Variants in NALF1 observed in about 807,000 individuals in gnomAD.
NALF1 encodes NALCN channel auxiliary factor 1, also known as family with sequence similarity 155 member A.
A neutral mutation model predicts 48.4 loss-of-function variants in NALF1; 3 were observed. That is an observed-to-expected ratio of 0.06 (90% confidence interval 0.03 to 0.16). The LOEUF (loss-of-function observed/expected upper bound fraction) is 0.16, where lower values mean the gene tolerates loss of function less well. Among genes scored for constraint, NALF1 ranks in the 10% least tolerant of loss-of-function variants. The probability of loss-of-function intolerance (pLI) is 1.00; values close to 1 mark genes in which losing one functional copy is unlikely to be tolerated. For missense variants in NALF1, 526 were observed against 571.5 expected (o/e 0.92, Z 0.81); for synonymous variants, 262 against 245.7 (o/e 1.07, Z -0.62).
intron 1 of NALF1, among the ~76,000 whole-genome samples, chr13:107,676,268 T>A (rs1196810855): frequency 6.6e-6 from 1 of 152,102 alleles, no homozygotes; most frequent in Non-Finnish European, 1.5e-5. Context: ...ACCAACAGAG[T>A]CATATAGACT....
intron 1 of NALF1, among the ~76,000 whole-genome samples, chr13:107,570,581 A>AT (rs1566397809): frequency 1.3e-5 from 2 of 148,376 alleles, no homozygotes; most frequent in South Asian, 4.2e-4. Flanking sequence ...TATTTATTTT[A>AT]TTTTATTATT....
intron 1 of NALF1, among the ~76,000 whole-genome samples, chr13:107,225,321 T>C (rs563821146): frequency 6.8e-4 from 104 of 152,248 alleles, no homozygotes; most frequent in Non-Finnish European, 1.3e-3. Context: ...CCTTATTTTT[T>C]ATTTTTTGTT....
At chr13:107,636,835 C>T (rs1879989754) in intron 1 of NALF1, among the ~76,000 whole-genome samples, 5 of 150,510 alleles carry the variant, frequency 3.3e-5, no homozygotes, top group Admixed American at 3.3e-4. Flanking sequence ...TAAACCTGAT[C>T]CATTGATTTA....
At chr13:107,561,159 G>T (rs1310110127) in intron 1 of NALF1, among the ~76,000 whole-genome samples, 3 of 152,192 alleles carry the variant, frequency 2.0e-5, no homozygotes, top group Non-Finnish European at 2.9e-5. Flanking sequence ...GTCAGTAGAT[G>T]TAACAGTCAC....
intron 1 of NALF1, among the ~76,000 whole-genome samples, chr13:107,526,166 C>A (rs1453817731): frequency 6.6e-6 from 1 of 151,960 alleles, no homozygotes; most frequent in African/African-American, 2.4e-5. Context: ...CATGTATTTT[C>A]TTATTATTGT....
intron 1 of NALF1, among the ~76,000 whole-genome samples, chr13:107,845,481 TC>T (rs1880147251): frequency 6.6e-6 from 1 of 152,138 alleles, no homozygotes; most frequent in Admixed American, 6.6e-5. Context: ...ATTCACTCCT[TC>T]TCCACAAAAT....
chr13:107,783,093 G>A (rs1395682130), intron 1 of NALF1, among the ~76,000 whole-genome samples: 7 of 141,530 alleles, frequency 4.9e-5, no homozygotes, highest in Non-Finnish European at 7.7e-5. Context: ...CCGGCCAGCC[G>A]CCTCGTCCGG....
At chr13:107,777,515 C>T (rs755697674) in intron 1 of NALF1, among the ~76,000 whole-genome samples, 1 of 152,152 alleles carries the variant, frequency 6.6e-6, no homozygotes, top group Non-Finnish European at 1.5e-5. Flanking sequence ...AGTGAGTTCT[C>T]GCAAGATCTG....
At chr13:107,292,425 A>C (rs1881640113) in intron 1 of NALF1, among the ~76,000 whole-genome samples, 1 of 151,800 alleles carries the variant, frequency 6.6e-6, no homozygotes, top group South Asian at 2.1e-4. Flanking sequence ...AACACATTAC[A>C]CAGCTGTACA....
chr13:107,267,719 C>T (rs1173076358), intron 1 of NALF1, among the ~76,000 whole-genome samples: 1 of 152,242 alleles, frequency 6.6e-6, no homozygotes, highest in South Asian at 2.1e-4. Context: ...ACAATTATAA[C>T]AATATGCCAG....
chr13:107,377,154 G>T (rs949269405), intron 1 of NALF1, among the ~76,000 whole-genome samples: 11 of 152,206 alleles, frequency 7.2e-5, no homozygotes, highest in African/African-American at 2.7e-4. Flanking sequence ...AGCAGCCATT[G>T]TCTGGTGCCA....
chr13:107,843,499 A>C (rs1267189917), intron 1 of NALF1, among the ~76,000 whole-genome samples: 1 of 152,162 alleles, frequency 6.6e-6, no homozygotes, highest in Non-Finnish European at 1.5e-5. Flanking sequence ...ACACATCATG[A>C]CCTGGAAACT....
intron 1 of NALF1, among the ~76,000 whole-genome samples, chr13:107,312,299 A>G (rs1882061809): frequency 6.6e-6 from 1 of 152,124 alleles, no homozygotes; most frequent in South Asian, 2.1e-4. Flanking sequence ...GGAAACCATC[A>G]TTCTCAGCAA....
At chr13:107,279,918 G>A (rs1049555660) in intron 1 of NALF1, among the ~76,000 whole-genome samples, 3 of 152,060 alleles carry the variant, frequency 2.0e-5, no homozygotes, top group African/African-American at 4.8e-5. Flanking sequence ...AATTGCATTT[G>A]CTCAATCCTT....
At chr13:107,852,869 AAAGTATTAT>A (rs1241887539) in intron 1 of NALF1, among the ~76,000 whole-genome samples, 1 of 152,224 alleles carries the variant, frequency 6.6e-6, no homozygotes, top group Non-Finnish European at 1.5e-5. Context: ...TGATAAGAGA[AAAGTATTAT>A]AATCGGTCAG....
intron 1 of NALF1, among the ~76,000 whole-genome samples, chr13:107,383,984 C>G (rs892818644): frequency 3.3e-5 from 5 of 152,132 alleles, no homozygotes; most frequent in Non-Finnish European, 7.4e-5. Flanking sequence ...TTTGGTGGTT[C>G]ACACCTGTAA....
intron 1 of NALF1, among the ~76,000 whole-genome samples, chr13:107,567,027 A>G (rs1877831326): frequency 3.9e-5 from 6 of 152,220 alleles, no homozygotes. Flanking sequence ...ACAAAGGCAT[A>G]AAAATAACAA....
intron 1 of NALF1, among the ~76,000 whole-genome samples, chr13:107,273,479 T>C (rs1881217222): frequency 6.6e-6 from 1 of 152,222 alleles, no homozygotes; most frequent in South Asian, 2.1e-4. Flanking sequence ...CTTCCATCTA[T>C]GTTACAGACA....
intron 1 of NALF1, among the ~76,000 whole-genome samples, chr13:107,763,710 A>G (rs1324612653): frequency 2.6e-5 from 4 of 152,140 alleles, no homozygotes; most frequent in East Asian, 1.9e-4. Flanking sequence ...GGGATACACA[A>G]TGCAAACATA....
Sources: allele counts gnomAD v4.1 joint callset (sites outside exome capture counted in the v4.1 genomes callset), GRCh38; gene constraint gnomAD v4.1.1; transcripts MANE v1.5; gene names NCBI Gene and HGNC (gene_info 2026-07-23, HGNC 2026-07-21).